PLA2G4D: variants seen among roughly 807,000 people sequenced by gnomAD.
PLA2G4D encodes phospholipase A2 group IVD, also known as cytosolic phospholipase A2 delta.
PLA2G4D carries 80 observed loss-of-function variants against 94.4 expected under a neutral mutation model. The ratio of observed to expected loss-of-function variants is 0.85; its 90% CI spans 0.71 to 1.02. PLA2G4D has a LOEUF of 1.02. Ranked by LOEUF, PLA2G4D falls within the 50% of genes least tolerant of loss-of-function variation. PLA2G4D has a pLI of 0.00. For missense variants in PLA2G4D, 1,050 were observed against 1,034.7 expected (o/e 1.01, Z -0.20); for synonymous variants, 438 against 440.9 (o/e 0.99, Z 0.08).
At chr15:42,085,433 G>A (rs1890122428) in intron 5 of PLA2G4D, 58 bp downstream of exon 5, 1 of 1,580,850 alleles carries the variant, frequency 6.3e-7, no homozygotes, top group African/African-American at 1.3e-5. Flanking sequence ...CTGGGTCAGG[G>A]CCATTTCCTC....
At chr15:42,085,590 C>T (rs1363222299) in intron 4 of PLA2G4D, 59 bp from the exon 5 acceptor site, 3 of 1,558,272 alleles carry the variant, frequency 1.9e-6, no homozygotes, top group South Asian at 1.1e-5. Context: ...AGAGTTGACA[C>T]AGTTCTTTTA....
rs546376649 is a variant in PLA2G4D at position 42,077,461 on chromosome 15, C to T, written c.1317+2076G>A. Among the ~76,000 whole-genome samples, 3 of 152,338 alleles carry T rather than the reference C, an allele frequency of 2.0e-5. No homozygotes were observed. The East Asian group carries it at 5.8e-4, about 29-fold the overall frequency. On this transcript the variant is annotated intron_variant, in intron 13 of 19. Coordinates refer to ENST00000290472, the MANE Select transcript of PLA2G4D (RefSeq NM_178034.4). ...AATCAATAAATGTGATACATCACAT[C>T]AACAGATATAGTTGGGATCAGTGCC...
chr15:42,093,601 A>AG (rs1206099932), intron 1 of PLA2G4D, among the ~76,000 whole-genome samples: 1 of 152,084 alleles, frequency 6.6e-6, no homozygotes, highest in Non-Finnish European at 1.5e-5. Context: ...TCCTTCACTG[A>AG]GGGGTCCCTC....
chr15:42,086,210 C>A lies in PLA2G4D; in HGVS notation c.387+3G>T, dbSNP rs1566865276. ...ACGGGGACTTCCCCACCCACCCACC[C>A]ACCTGGGGACTCTGGGAGAAGGTTT... On this transcript the variant is annotated splice_donor_region_variant and intron_variant, in intron 4 of 19. Coordinates refer to ENST00000290472, the MANE Select transcript of PLA2G4D (RefSeq NM_178034.4). The A allele has an allele frequency of 3.5e-6, 5 of 1,442,526 alleles. No homozygotes were observed. In the South Asian group the frequency reaches 3.7e-5, roughly 11 times the overall value. 89.4% of individuals were successfully genotyped at this position (1,442,526 alleles called of 1,614,324 possible). A position where few individuals can be genotyped will look rare whatever the true frequency, so the allele number is the denominator to read the frequency against.
chr15:42,076,555 T>C (rs985305102), intron 13 of PLA2G4D, among the ~76,000 whole-genome samples: 2 of 151,304 alleles, frequency 1.3e-5, no homozygotes, highest in South Asian at 2.1e-4. Flanking sequence ...AACAGGAAAA[T>C]GGAAAGGGGT....
At chr15:42,085,363 G>T (rs1341144545) in intron 5 of PLA2G4D, 128 bp downstream of exon 5, 6 of 1,180,816 alleles carry the variant, frequency 5.1e-6, no homozygotes, top group Non-Finnish European at 5.1e-6. Context: ...CCCCACTCCC[G>T]ACCTCTCTGG....
Position 42,086,194 on chromosome 15 carries a change from T to TGCCCCCCCCCCCCCCCCCC in PLA2G4D, c.387+18_387+19insGGGGGGGGGGGGGGGGGGC. 11 of 1,370,442 alleles carry TGCCCCCCCCCCCCCCCCCC rather than the reference T, an allele frequency of 8.0e-6. No individual in the cohort carries two copies. Among genetic ancestry groups the TGCCCCCCCCCCCCCCCCCC allele is most frequent in the South Asian group, 6.0e-5 (4 of 66,866 alleles). The allele number at this position is 1,370,442 out of a possible 1,614,324, so 84.9% of individuals were successfully genotyped here. ...GGAAGAAGTGGGGCCCACGGGGACT[T>TGCCCCCCCCCCCCCCCCCC]CCCCACCCACCCACCCACCTGGGGA... is the stretch of plus-strand genomic sequence containing the variant. On this transcript the variant is annotated intron_variant, in intron 4 of 19. Transcript: ENST00000290472.
Position 42,087,695 on chromosome 15 carries a change from C to T in PLA2G4D, c.51G>A (p.Glu17=). 2 of 1,614,102 alleles carry T rather than the reference C, an allele frequency of 1.2e-6. No individual in the cohort carries two copies. The highest frequency in any genetic ancestry group is 2.2e-5 in the South Asian group (2 of 91,082). Residue 17 remains glutamate, a synonymous_variant, in exon 2 of 20, where the codon GAG becomes GAA. Coordinates refer to ENST00000290472, the MANE Select transcript of PLA2G4D (RefSeq NM_178034.4). The part of the protein sequence containing the change: ...GGPPGHPYQG[E]ASTCWQLTVR... ...CTGTGAGCTGCCAGCAGGTAGAGGC[C>T]TCCCCCTGAAGAGAAAATCAAACTC...
chr15:42,088,506 C>T (rs1026507379), intron 1 of PLA2G4D, among the ~76,000 whole-genome samples: 12 of 152,292 alleles, frequency 7.9e-5, no homozygotes, highest in Middle Eastern at 3.4e-3. Context: ...CTGAGGTCCC[C>T]GGCACTGCCA....
intron 4 of PLA2G4D, 145 bp from the exon 5 acceptor site, chr15:42,085,676 GA>G (rs1319201696): frequency 1.3e-6 from 1 of 795,782 alleles, no homozygotes; most frequent in Non-Finnish European, 2.1e-6. Context: ...TATGGATGAG[GA>G]AACTGAGGTA....
At position 42,086,322 on chromosome 15, in the gene PLA2G4D, T is replaced by C. The variant is rs376971879; in HGVS notation, c.278A>G (p.Tyr93Cys). 9.2e-5 allele frequency: 148 copies of C among 1,613,492 alleles called. No individual in the cohort carries two copies. The highest frequency in any genetic ancestry group is 8.3e-4 in the Admixed American group (50 of 59,956). ...QVKNVLELSIYDEDSVTEDDI... is the reference protein window; with the variant it reads ...QVKNVLELSICDEDSVTEDDI... ...ATCCTCCGTGACTGAGTCCTCATCA[T>C]AGATGCTAAGCTCCAGAACATTCTA... The change falls in exon 4 of 20, where the codon TAT (tyrosine) becomes TGT (cysteine). Residue 93 changes from tyrosine to cysteine, a missense_variant. By Grantham distance (194) the Tyr-to-Cys change is radical. Coordinates refer to ENST00000290472, the MANE Select transcript of PLA2G4D (RefSeq NM_178034.4).
Position 42,083,197 on chromosome 15 carries a change from C to T in PLA2G4D, c.672+1G>A. The T allele has an allele frequency of 1.2e-6, 2 of 1,613,020 alleles. No homozygotes were observed. The highest frequency in any genetic ancestry group is 1.1e-5 in the South Asian group (1 of 90,910). On this transcript the variant is annotated splice_donor_variant, in intron 8 of 19. Coordinates refer to ENST00000290472, the MANE Select transcript of PLA2G4D (RefSeq NM_178034.4). LOFTEE classifies it high-confidence loss of function. Reference sequence around the variant, plus strand: ...AAACGAGGTCTAGAGCCAAGACCCACCCTCAGGCGCCCGCTCAGCTCTGTC... The same window carrying T: ...AAACGAGGTCTAGAGCCAAGACCCATCCTCAGGCGCCCGCTCAGCTCTGTC...
intron 8 of PLA2G4D, 73 bp downstream of exon 8, chr15:42,083,125 G>A (rs998143456): frequency 1.3e-6 from 2 of 1,551,230 alleles, no homozygotes; most frequent in Non-Finnish European, 8.7e-7. Context: ...GGCAGGGAAG[G>A]CAGGGAGGGG....
Position 42,087,666 on chromosome 15 carries a change from C to G in PLA2G4D, c.80G>C (p.Arg27Thr), listed in dbSNP as rs1017342897. The G allele has an allele frequency of 5.0e-6, 8 of 1,614,066 alleles. No homozygotes were observed. Among genetic ancestry groups the G allele is most frequent in the Admixed American group, 1.7e-5 (1 of 60,012 alleles). The change falls in exon 2 of 20, where the codon AGG (arginine) becomes ACG (threonine). Residue 27 changes from arginine to threonine, a missense_variant. Coordinates refer to ENST00000290472, the MANE Select transcript of PLA2G4D (RefSeq NM_178034.4). Reference sequence around the variant, plus strand: ...GCGCAGGTTCCGCGCCTCCAGGACCCTCACTGTGAGCTGCCAGCAGGTAGA... The same window carrying G: ...GCGCAGGTTCCGCGCCTCCAGGACCGTCACTGTGAGCTGCCAGCAGGTAGA... ...EASTCWQLTV[R>T]VLEARNLRWA...
chr15:42,068,609 G>T lies in PLA2G4D; in HGVS notation c.*106C>A. 1 of 1,093,344 alleles carries T rather than the reference G, an allele frequency of 9.1e-7. No homozygotes were observed. The allele number at this position is 1,093,344 out of a possible 1,614,324, so 67.7% of individuals were successfully genotyped here. A position where few individuals can be genotyped will look rare whatever the true frequency, so the allele number is the denominator to read the frequency against. Reference sequence around the variant, plus strand: ...GAGACCAGCTACAGAGGCCACCCAGGCCTGGGAGAGCCCAGAACTCCAACC... The same window carrying T: ...GAGACCAGCTACAGAGGCCACCCAGTCCTGGGAGAGCCCAGAACTCCAACC... On this transcript the variant is annotated 3_prime_UTR_variant, in exon 20 of 20. Coordinates refer to ENST00000290472, the MANE Select transcript of PLA2G4D (RefSeq NM_178034.4).
In PLA2G4D at chr15:42,072,346, C is replaced by T. The variant is rs757876193; in HGVS notation, c.1364G>A (p.Gly455Asp). Reference protein sequence around the residue: ...LSGQRAALERGQNPLPLYLSL... With the variant: ...LSGQRAALERDQNPLPLYLSL... ...CAAGTAGAGGGGCAGAGGGTTCTGACCCCGTTCCAGGGCGGCTCTCTGTCC... is the reference window on the plus strand; with the variant it reads ...CAAGTAGAGGGGCAGAGGGTTCTGATCCCGTTCCAGGGCGGCTCTCTGTCC... The change falls in exon 14 of 20, where the codon GGT becomes GAT. Residue 455 changes from glycine to aspartate, a missense_variant. Transcript: ENST00000290472. 8 of 1,613,676 alleles carry T rather than the reference C, an allele frequency of 5.0e-6. No homozygotes were observed. The highest frequency in any genetic ancestry group is 6.8e-6 in the Non-Finnish European group (8 of 1,179,982).
Position 42,071,286 on chromosome 15 carries a change from G to C in PLA2G4D, c.1713C>G (p.Ser571=), listed in dbSNP as rs1889809480. 20 of 1,597,940 alleles carry C rather than the reference G, an allele frequency of 1.3e-5. No individual in the cohort carries two copies. The highest frequency in any genetic ancestry group is 1.7e-5 in the Non-Finnish European group (20 of 1,175,206). Residue 571 remains serine, a synonymous_variant, in exon 17 of 20, where the codon TCC becomes TCG. Transcript: ENST00000290472. The stretch of plus-strand genomic sequence containing the variant: ...GCAGCCACGAGGCCTCCAGCCGCGA[G>C]GAGGTCCCCGAGGTGGTCAGGGGCT... The part of the protein sequence containing the change: ...EKEPLTTSGT[S]SRLEASWLQP...
rs1193440916 is a variant in PLA2G4D at position 42,067,477 on chromosome 15, G to A, written c.*1238C>T. 6.7e-6 allele frequency: 1 copy of A among 149,670 alleles called. No individual in the cohort carries two copies. Among genetic ancestry groups the A allele is most frequent in the Non-Finnish European group, 1.5e-5 (1 of 67,698 alleles). The allele number at this position is 149,670 out of a possible 1,614,324, so 9.3% of individuals were successfully genotyped here. ...GATCACTTGAGCCCAGGAAGTTGAG[G>A]ATGCAGTGAGCCAGATTGCACCATT... On this transcript the variant is annotated 3_prime_UTR_variant, in exon 20 of 20. Coordinates refer to ENST00000290472, the MANE Select transcript of PLA2G4D (RefSeq NM_178034.4).
intron 3 of PLA2G4D, among the ~76,000 whole-genome samples, chr15:42,086,697 A>G (rs909078689): frequency 1.3e-5 from 2 of 152,010 alleles, no homozygotes; most frequent in Non-Finnish European, 2.9e-5. Context: ...CTAAAAATAC[A>G]ACAAATTATC....
Sources: allele counts gnomAD v4.1 joint callset (sites outside exome capture counted in the v4.1 genomes callset), GRCh38; gene constraint gnomAD v4.1.1; transcripts MANE v1.5; gene names NCBI Gene and HGNC (gene_info 2026-07-23, HGNC 2026-07-21).